The following CNTN5 variants were observed in gnomAD, a reference collection of about 807,000 sequenced individuals.
CNTN5 encodes contactin-5.
A neutral mutation model predicts 129.1 loss-of-function variants in CNTN5; 77 were observed. That is an observed-to-expected ratio of 0.60 (90% CI 0.50 to 0.72). The LOEUF is 0.72. CNTN5 is among the 30% of genes least tolerant of loss of function. CNTN5 has a pLI of 0.00. For synonymous variants in CNTN5, 509 were observed against 465.6 expected, an observed-to-expected ratio of 1.09 and a Z score of -1.20; for missense variants, 1,478 against 1,328.8, an observed-to-expected ratio of 1.11 and a Z score of -1.75.
At chr11:100,075,160 ATTTCT>A (rs1283880230) in intron 13 of CNTN5, among the ~76,000 whole-genome samples, 11 of 152,314 alleles carry the variant, frequency 7.2e-5, no homozygotes, top group Admixed American at 1.3e-4. Flanking sequence ...CACTTGAATA[ATTTCT>A]TAAGTAACAG....
intron 3 of CNTN5, among the ~76,000 whole-genome samples, chr11:99,622,895 C>T (rs1379513539): frequency 6.6e-6 from 1 of 151,692 alleles, no homozygotes; most frequent in African/African-American, 2.4e-5. Context: ...TAATGGCTCT[C>T]CAAACATAAC....
At position 99,103,123 on chromosome 11, in the gene CNTN5, T is replaced by C. The variant is rs377678707; in HGVS notation, c.-210+81853T>C. Among the ~76,000 whole-genome samples, 5 of 152,256 alleles carry C rather than the reference T, an allele frequency of 3.3e-5. No homozygotes were observed. In the East Asian group the frequency reaches 9.7e-4, roughly 29 times the overall value. ...GGCTTATTCACTACCATGAGACCAG[T>C]ATGGGGAAAACCACCCCAGTGGTTT... On this transcript the variant is annotated intron_variant, in intron 1 of 24. Transcript: ENST00000524871.
intron 1 of CNTN5, among the ~76,000 whole-genome samples, chr11:99,030,306 G>T (rs1220386698): frequency 6.6e-6 from 1 of 151,886 alleles, no homozygotes; most frequent in Non-Finnish European, 1.5e-5. Flanking sequence ...ACTTTTTAAG[G>T]TATAAAATTA....
At chr11:99,990,455 T>TACACACACACACACAC (rs57175307) in intron 8 of CNTN5, among the ~76,000 whole-genome samples, 8 of 145,076 alleles carry the variant, frequency 5.5e-5, no homozygotes, top group African/African-American at 1.5e-4. Flanking sequence ...TATATATATA[T>TACACACACACACACAC]ACACACACAC....
chr11:99,446,085 TAA>T (rs35641117), intron 2 of CNTN5, among the ~76,000 whole-genome samples: 5 of 134,966 alleles, frequency 3.7e-5, no homozygotes, highest in Admixed American at 7.6e-5. Context: ...ACTTTGTCAT[TAA>T]AAAAAAAAAA....
chr11:99,748,002 T>C (rs1215398540), intron 3 of CNTN5, among the ~76,000 whole-genome samples: 1 of 152,196 alleles, frequency 6.6e-6, no homozygotes, highest in Non-Finnish European at 1.5e-5. Context: ...ATTAATGTGG[T>C]GTATCACATT....
intron 1 of CNTN5, among the ~76,000 whole-genome samples, chr11:99,074,797 C>T (rs1865491968): frequency 6.6e-6 from 1 of 151,974 alleles, no homozygotes; most frequent in Admixed American, 6.6e-5. Context: ...ACTATATGCC[C>T]AGAAAGGCTC....
chr11:100,046,263 C>T (rs1942669966), intron 9 of CNTN5, among the ~76,000 whole-genome samples: 1 of 152,098 alleles, frequency 6.6e-6, no homozygotes, highest in African/African-American at 2.4e-5. Flanking sequence ...ATAGAAAAAA[C>T]AATTATGAAT....
At position 99,435,522 on chromosome 11, in the gene CNTN5, G is replaced by T. The variant is rs867361055; in HGVS notation, c.-71+110038G>T. 3.4e-4 allele frequency among the ~76,000 whole-genome samples: 52 copies of T among 152,274 alleles called. 1 individual carries two copies. Among genetic ancestry groups the T allele is most frequent in the African/African-American group, 1.0e-3 (43 of 41,568 alleles). On this transcript the variant is annotated intron_variant, in intron 2 of 24. Transcript: ENST00000524871. ...TAGACAGAAATGACATACGTCTTCA[G>T]TTCATAATACTCTAACCACATCTGG...
rs144667053 is a variant in CNTN5 at position 99,971,737 on chromosome 11, A to G, written c.877+14728A>G. Among the ~76,000 whole-genome samples the G allele has an allele frequency of 2.4e-3, 366 of 152,060 alleles. 5 individuals are homozygous for G. The highest frequency in any genetic ancestry group is 8.5e-3 in the African/African-American group (351 of 41,362). On this transcript the variant is annotated intron_variant, in intron 8 of 24. Coordinates refer to ENST00000524871, the MANE Select transcript of CNTN5 (RefSeq NM_014361.4). ...TATAAATCGAAATTATGGTCAAAGA[A>G]TAATGTTTTGTTATGGCTAAAGTTT...
chr11:99,336,588 C>T (rs1866235832), intron 2 of CNTN5, among the ~76,000 whole-genome samples: 2 of 151,864 alleles, frequency 1.3e-5, no homozygotes, highest in Admixed American at 1.3e-4. Context: ...GCCTATAATC[C>T]TAGCATTTTG....
At chr11:99,511,568 G>C (rs1376131923) in intron 2 of CNTN5, among the ~76,000 whole-genome samples, 1 of 152,016 alleles carries the variant, frequency 6.6e-6, no homozygotes, top group African/African-American at 2.4e-5. Flanking sequence ...TCTGCTTGGT[G>C]CAGAGCTGAA....
intron 3 of CNTN5, among the ~76,000 whole-genome samples, chr11:99,576,870 C>G (rs1386574249): frequency 6.6e-6 from 1 of 152,088 alleles, no homozygotes; most frequent in East Asian, 1.9e-4. Context: ...AATCACCTCC[C>G]CAAAGTTCTC....
At chr11:99,163,478 G>A (rs1443607635) in intron 1 of CNTN5, among the ~76,000 whole-genome samples, 3 of 151,808 alleles carry the variant, frequency 2.0e-5, no homozygotes, top group Non-Finnish European at 4.4e-5. Flanking sequence ...TCAATTTTCT[G>A]TTTTTCAATT....
At chr11:99,791,803 A>G (rs1488285938) in intron 3 of CNTN5, among the ~76,000 whole-genome samples, 1 of 151,966 alleles carries the variant, frequency 6.6e-6, no homozygotes. Flanking sequence ...TTGTAGTTGC[A>G]TTTTAGAGAT....
chr11:99,448,933 A>G (rs1013466955), intron 2 of CNTN5, among the ~76,000 whole-genome samples: 13 of 151,370 alleles, frequency 8.6e-5, no homozygotes, highest in African/African-American at 2.7e-4. Flanking sequence ...GATGCATACC[A>G]CCATGCCTGG....
intron 3 of CNTN5, among the ~76,000 whole-genome samples, chr11:99,627,475 C>T (rs537985716): frequency 2.0e-5 from 3 of 151,942 alleles, no homozygotes; most frequent in African/African-American, 4.8e-5. Flanking sequence ...AAAACTACAC[C>T]GCATTAAAAT....
At chr11:100,221,333 G>A (rs1949261152) in intron 15 of CNTN5, among the ~76,000 whole-genome samples, 1 of 152,188 alleles carries the variant, frequency 6.6e-6, no homozygotes, top group Admixed American at 6.5e-5. Flanking sequence ...GTCAAAATAA[G>A]AAGTTTGGAC....
intron 1 of CNTN5, among the ~76,000 whole-genome samples, chr11:99,296,107 A>G (rs188364718): frequency 1.5e-3 from 224 of 152,232 alleles, no homozygotes; most frequent in Non-Finnish European, 2.5e-3. Flanking sequence ...ATAAACAAGG[A>G]AAAAATATTC....
Sources: gnomAD v4.1 joint callset for allele counts (sites outside exome capture counted in the v4.1 genomes callset) on GRCh38, gnomAD v4.1.1 for gene constraint, MANE v1.5 for transcripts, NCBI Gene and HGNC (gene_info 2026-07-23, HGNC 2026-07-21) for gene names.